The following NFATC2 variants were observed in gnomAD, a reference collection of about 807,000 sequenced individuals.
NFATC2 encodes the protein nuclear factor of activated T-cells, cytoplasmic 2.
In NFATC2, 22 loss-of-function variants were observed where a neutral mutation model predicts 87.3. That is an observed-to-expected ratio of 0.25 (90% CI 0.18 to 0.36). The LOEUF (loss-of-function observed/expected upper bound fraction) is 0.36, where lower values mean the gene tolerates loss of function less well. Among genes scored for constraint, NFATC2 ranks in the 10% least tolerant of loss-of-function variants. NFATC2 has a pLI of 1.00. For missense variants in NFATC2, 1,149 were observed against 1,259.1 expected, an observed-to-expected ratio of 0.91 and a Z score of 1.32; for synonymous variants, 565 against 542.2, an observed-to-expected ratio of 1.04 and a Z score of -0.58.
At chr20:51,476,696 T>A (rs1988748222) in intron 3 of NFATC2, among the ~76,000 whole-genome samples, 1 of 152,198 alleles carries the variant, frequency 6.6e-6, no homozygotes, top group Admixed American at 6.5e-5. Context: ...TGGCACATAG[T>A]AGGCATTCTA....
upstream of NFATC2, among the ~76,000 whole-genome samples, chr20:51,542,981 T>C (rs1361693139): frequency 6.6e-6 from 1 of 152,106 alleles, no homozygotes; most frequent in East Asian, 1.9e-4. Flanking sequence ...AACCAGGGTC[T>C]AGACAAGAAA....
chr20:51,496,040 G>C (rs1400035369), intron 3 of NFATC2, among the ~76,000 whole-genome samples: 1 of 152,176 alleles, frequency 6.6e-6, no homozygotes, highest in African/African-American at 2.4e-5. Context: ...TCCAAAGCAG[G>C]TTCCAAACCC....
intron 5 of NFATC2, among the ~76,000 whole-genome samples, chr20:51,463,375 T>C (rs1319328608): frequency 5.9e-5 from 9 of 152,240 alleles, no homozygotes; most frequent in South Asian, 2.1e-4. Context: ...TGGGCCTCGG[T>C]GGCGGGGGGC....
rs746596939 is a variant in NFATC2, at chr20:51,513,496, TAAAC to T, written c.1332+3284_1332+3287del. 1.3e-4 allele frequency among the ~76,000 whole-genome samples: 20 copies of T among 151,926 alleles called. 1 individual carries two copies. Among genetic ancestry groups the T allele is most frequent in the African/African-American group, 2.7e-4 (11 of 41,344 alleles). On this transcript the variant is annotated intron_variant, in intron 3 of 10. Transcript: ENST00000371564. ...CCTATCTCTAAAATAAGCAAACAAATAAACAAACAAACAAAGTCACATGCATGAA... is the reference window on the plus strand; with the variant it reads ...CCTATCTCTAAAATAAGCAAACAAATAAACAAACAAAGTCACATGCATGAA...
chr20:51,400,613 C>T (rs935386237), intron 9 of NFATC2, among the ~76,000 whole-genome samples: 1 of 152,180 alleles, frequency 6.6e-6, no homozygotes, highest in Non-Finnish European at 1.5e-5. Context: ...CATAGAGTTT[C>T]ACTCTTTGTC....
rs562973837 is a variant in NFATC2 at position 51,387,216 on chromosome 20, G to T, written c.*4280C>A. Reference sequence around the variant, plus strand: ...TGTAGAGGCCAGAGGGGTGAGTGAGGTTCTTTGACAAGATGTCCAGGATGC... The same window carrying T: ...TGTAGAGGCCAGAGGGGTGAGTGAGTTTCTTTGACAAGATGTCCAGGATGC... On this transcript the variant is annotated 3_prime_UTR_variant, in exon 11 of 11. Transcript: ENST00000371564. The T allele has an allele frequency of 6.6e-6, 1 of 152,314 alleles. No individual in the cohort carries two copies. The highest frequency in any genetic ancestry group is 1.9e-4 in the East Asian group (1 of 5,182). The allele number at this position is 152,314 out of a possible 1,614,324, so 9.4% of individuals were successfully genotyped here.
At chr20:51,492,910 G>A (rs914318691) in intron 3 of NFATC2, among the ~76,000 whole-genome samples, 1 of 152,264 alleles carries the variant, frequency 6.6e-6, no homozygotes, top group Non-Finnish European at 1.5e-5. Context: ...GGTCAGCGAC[G>A]TATCCACGGG....
intron 3 of NFATC2, among the ~76,000 whole-genome samples, chr20:51,496,841 A>ACTCCCTGAAAGCAAGAATTGATCTCATTT (rs1334995588): frequency 1.3e-5 from 2 of 152,000 alleles, no homozygotes; most frequent in Non-Finnish European, 2.9e-5. Context: ...CAGACTGGGC[A>ACTCCCTGAAAGCAAGAATTGATCTCATTT]CTCCCTGAAA....
chr20:51,516,730 G>C (rs946999526), intron 3 of NFATC2, 54 bp downstream of exon 3: 4 of 1,532,916 alleles, frequency 2.6e-6, no homozygotes, highest in Non-Finnish European at 3.5e-6. Context: ...CAGCAGAAGT[G>C]AATCTCTTAG....
At chr20:51,519,748 T>C (rs1255160398) in intron 2 of NFATC2, among the ~76,000 whole-genome samples, 4 of 65,416 alleles carry the variant, frequency 6.1e-5, no homozygotes. Flanking sequence ...ACCCCATCTC[T>C]ACTAAAAAAA....
chr20:51,496,165 G>T (rs1489851056), intron 3 of NFATC2, among the ~76,000 whole-genome samples: 1 of 152,142 alleles, frequency 6.6e-6, no homozygotes, highest in Non-Finnish European at 1.5e-5. Flanking sequence ...TCCAAAGGGA[G>T]GATCGAAGCG....
At chr20:51,413,329 T>A (rs1442318460) in intron 9 of NFATC2, among the ~76,000 whole-genome samples, 1 of 152,040 alleles carries the variant, frequency 6.6e-6, no homozygotes, top group Non-Finnish European at 1.5e-5. Context: ...TGAGAAGAGA[T>A]AACAGCCTGA....
At chr20:51,457,863 C>G (rs1253568409) in intron 5 of NFATC2, among the ~76,000 whole-genome samples, 1 of 149,040 alleles carries the variant, frequency 6.7e-6, no homozygotes, top group African/African-American at 2.5e-5. Flanking sequence ...GTTAAAAATA[C>G]TGACACCCAG....
chr20:51,560,998 G>T (rs1028382499), intron 1 of NFATC2, among the ~76,000 whole-genome samples: 1 of 151,942 alleles, frequency 6.6e-6, no homozygotes. Flanking sequence ...GCATTAGGCT[G>T]ACCTCCACCC....
intron 9 of NFATC2, among the ~76,000 whole-genome samples, chr20:51,404,759 A>G (rs1988388379): frequency 6.6e-6 from 1 of 152,150 alleles, no homozygotes; most frequent in Admixed American, 6.5e-5. Context: ...CATCCTGCTG[A>G]GAGGGGCCCC....
intron 3 of NFATC2, among the ~76,000 whole-genome samples, chr20:51,507,179 C>T (rs1185425069): frequency 6.6e-6 from 1 of 152,182 alleles, no homozygotes; most frequent in East Asian, 1.9e-4. Context: ...AAAGCCAAGG[C>T]CAGGGCTTCA....
intron 9 of NFATC2, among the ~76,000 whole-genome samples, chr20:51,411,619 C>T (rs1201895204): frequency 2.0e-5 from 3 of 150,862 alleles, no homozygotes; most frequent in Non-Finnish European, 2.9e-5. Flanking sequence ...CCTCTGCCTC[C>T]CAGGTTCATG....
At chr20:51,411,355 G>A (rs1979196150) in intron 9 of NFATC2, among the ~76,000 whole-genome samples, 1 of 151,874 alleles carries the variant, frequency 6.6e-6, no homozygotes. Context: ...TGAAGTTCAA[G>A]GAGGACCTGA....
intron 1 of NFATC2, among the ~76,000 whole-genome samples, chr20:51,555,711 AC>A (rs2076972799): frequency 6.6e-6 from 1 of 152,140 alleles, no homozygotes; most frequent in Non-Finnish European, 1.5e-5. Flanking sequence ...CATCCCGAGC[AC>A]ATGCCTCTCC....
Sources: gnomAD v4.1 joint callset for allele counts (sites outside exome capture counted in the v4.1 genomes callset) on GRCh38, gnomAD v4.1.1 for gene constraint, MANE v1.5 for transcripts, NCBI Gene and HGNC (gene_info 2026-07-23, HGNC 2026-07-21) for gene names.